NAA16: variants seen among roughly 807,000 people sequenced by gnomAD.
NAA16 encodes NARG1-like protein.
A neutral mutation model predicts 110.3 loss-of-function variants in NAA16; 97 were observed. The ratio of observed to expected loss-of-function variants is 0.88; its 90% CI spans 0.75 to 1.04. The LOEUF (loss-of-function observed/expected upper bound fraction) is 1.04. Ranked by LOEUF, NAA16 falls within the 50% of genes least tolerant of loss-of-function variation. The pLI is 0.00. For synonymous variants in NAA16, 372 were observed against 330.6 expected (o/e 1.13, Z -1.36); for missense variants, 1,017 against 1,005.1 (o/e 1.01, Z -0.16).
intron 9 of NAA16, among the ~76,000 whole-genome samples, chr13:41,353,792 CA>C (rs2042906583): frequency 5.3e-5 from 8 of 151,860 alleles, no homozygotes; most frequent in Non-Finnish European, 8.8e-5. Flanking sequence ...CACACACACA[CA>C]CACACACACC....
chr13:41,316,305 ATTTT>A (rs993030515), intron 1 of NAA16, among the ~76,000 whole-genome samples: 3 of 103,882 alleles, frequency 2.9e-5, no homozygotes, highest in Non-Finnish European at 2.1e-5. Context: ...AATTTTTGTA[ATTTT>A]TTTTTTTTTT....
At chr13:41,323,440 T>A (rs2042000276) in intron 5 of NAA16, among the ~76,000 whole-genome samples, 2 of 150,088 alleles carry the variant, frequency 1.3e-5, no homozygotes, top group African/African-American at 4.9e-5. Context: ...AAGCTCTGCC[T>A]CCCGGGTTCA....
chr13:41,336,691 A>G lies in NAA16; in HGVS notation c.949A>G (p.Asn317Asp), dbSNP rs764102742. 5.4e-5 allele frequency: 87 copies of G among 1,609,600 alleles called. No individual in the cohort carries two copies. Among genetic ancestry groups the G allele is most frequent in the Non-Finnish European group, 5.3e-5 (63 of 1,177,672 alleles). Reference sequence around the variant, plus strand: ...ACTAATGGATAAGTTCCTGAGGGTTAACTTCAGTAAAGGCTGCCCACCCTT... The same window carrying G: ...ACTAATGGATAAGTTCCTGAGGGTTGACTTCAGTAAAGGCTGCCCACCCTT... ...RELMDKFLRVNFSKGCPPLFT... is the reference protein window; with the variant it reads ...RELMDKFLRVDFSKGCPPLFT... Residue 317 changes from asparagine to aspartate, a missense_variant, in exon 9 of 20, where the codon AAC (asparagine) becomes GAC (aspartate). Transcript: ENST00000379406.
In NAA16 at chr13:41,372,786, A is replaced by G. The variant is rs2043348439; in HGVS notation, c.2111A>G (p.Asn704Ser). The change falls in exon 17 of 20, where the codon AAT becomes AGT. Residue 704 changes from asparagine to serine, a missense_variant. Transcript: ENST00000379406. ...SVKRAFAINS[N>S]NPWLHECLIR... ...AAACGAGCTTTTGCCATTAACAGTAATAACCCATGGTTACATGAATGTTTA... is the reference window on the plus strand; with the variant it reads ...AAACGAGCTTTTGCCATTAACAGTAGTAACCCATGGTTACATGAATGTTTA... 6.2e-7 allele frequency: 1 copy of G among 1,602,592 alleles called. No individual in the cohort carries two copies. The highest frequency in any genetic ancestry group is 8.5e-7 in the Non-Finnish European group (1 of 1,172,866).
rs779188439 is a variant in NAA16 at position 41,367,423 on chromosome 13, G to A, written c.1540-16G>A. 1.3e-6 allele frequency: 2 copies of A among 1,557,586 alleles called. No homozygotes were observed. Among genetic ancestry groups the A allele is most frequent in the South Asian group, 2.3e-5 (2 of 87,090 alleles). ...ACATAAATGTAAAGGTTAATTTTGT[G>A]ATTTTTGTTTTTAAGCATTTTTTTG... On this transcript the variant is annotated splice_polypyrimidine_tract_variant and intron_variant, in intron 13 of 19. Transcript: ENST00000379406.
At chr13:41,322,008 A>G (rs2139382569) in intron 4 of NAA16, among the ~76,000 whole-genome samples, 1 of 152,306 alleles carries the variant, frequency 6.6e-6, no homozygotes, top group South Asian at 2.1e-4. Flanking sequence ...TGGAGTTAAA[A>G]TCAGTTATCT....
At chr13:41,314,272 T>G (rs2026467) in intron 1 of NAA16, among the ~76,000 whole-genome samples, 11,257 of 152,188 alleles carry the variant, frequency 0.074, 1,380 homozygotes, top group African/African-American at 0.26. Flanking sequence ...GGCAGTATGA[T>G]TATTATTATT....
rs1298437393 is a variant in NAA16, at chr13:41,320,818, T to C, written c.396T>C (p.Gly132=). The change falls in exon 4 of 20, where the codon GGT becomes GGC. Residue 132 remains glycine (G), a synonymous_variant. Coordinates refer to ENST00000379406, the MANE Select transcript of NAA16 (RefSeq NM_024561.5). ...LLQIQMRDLE[G]YRETRYQLLQ... is the part of the protein sequence containing the mutation. ...AGATCCAAATGAGAGACCTTGAAGG[T>C]TACCGAGTAAGTACTTCATTCTTAA... The C allele has an allele frequency of 6.3e-7, 1 of 1,598,372 alleles. No homozygotes were observed. The highest frequency in any genetic ancestry group is 1.8e-5 in the Admixed American group (1 of 55,700).
rs537222022 is a variant in NAA16, at chr13:41,348,635, C to T, written c.1015-6509C>T. Among the ~76,000 whole-genome samples, 5 of 152,090 alleles carry T rather than the reference C, an allele frequency of 3.3e-5. No homozygotes were observed. The South Asian group carries it at 1.0e-3, about 32-fold the overall frequency. ...TCATGTCTTTATCAGATTTTGCTAT[C>T]AGGGTGATACTGGCCTCATAATGAA... On this transcript the variant is annotated intron_variant, in intron 9 of 19. Coordinates refer to ENST00000379406, the MANE Select transcript of NAA16 (RefSeq NM_024561.5).
At position 41,373,683 on chromosome 13, in the gene NAA16, T is replaced by C; in HGVS notation, c.2202T>C (p.Ser734=). The C allele has an allele frequency of 6.2e-7, 1 of 1,611,230 alleles. No homozygotes were observed. The change falls in exon 18 of 20, where the codon TCT becomes TCC. Residue 734 remains serine (S), a synonymous_variant. Transcript: ENST00000379406. ...NLPDIVSKVL[S]QEMQKIFVKK... is the part of the protein sequence containing the mutation. ...CAGACATTGTGAGCAAAGTTCTATC[T>C]CAAGAAATGCAGAAAATATTTGTCA...
intron 5 of NAA16, among the ~76,000 whole-genome samples, chr13:41,325,303 T>C (rs1055864482): frequency 6.6e-6 from 1 of 152,180 alleles, no homozygotes; most frequent in Non-Finnish European, 1.5e-5. Flanking sequence ...TCACTCACTT[T>C]ATTGTGGTGG....
At position 41,320,955 on chromosome 13, in the gene NAA16, T is replaced by C. The variant is rs948205127; in HGVS notation, c.402+131T>C. 1.1e-5 allele frequency: 8 copies of C among 739,222 alleles called. No homozygotes were observed. The African/African-American group carries it at 1.1e-4, about 10-fold the overall frequency. The allele number at this position is 739,222 out of a possible 1,614,324, so 45.8% of individuals were successfully genotyped here. ...TGTTCATTAGAAGGTGTATGTCGCTTGGGACCTTCCTTCTCAGTCATAGTT... is the reference window on the plus strand; with the variant it reads ...TGTTCATTAGAAGGTGTATGTCGCTCGGGACCTTCCTTCTCAGTCATAGTT... On this transcript the variant is annotated intron_variant, in intron 4 of 19. Coordinates refer to ENST00000379406, the MANE Select transcript of NAA16 (RefSeq NM_024561.5).
intron 1 of NAA16, among the ~76,000 whole-genome samples, chr13:41,314,851 G>A (rs1022396839): frequency 2.0e-5 from 3 of 152,084 alleles, no homozygotes; most frequent in Non-Finnish European, 4.4e-5. Flanking sequence ...AAAAAATTTA[G>A]CCAGGCATGA....
intron 5 of NAA16, 36 bp from the exon 6 acceptor site, chr13:41,325,662 T>A (rs777920464): frequency 2.6e-5 from 37 of 1,426,540 alleles, no homozygotes; most frequent in Non-Finnish European, 3.4e-5. Flanking sequence ...CTTTATATAA[T>A]TATACAAATA....
intron 1 of NAA16, 48 bp downstream of exon 1, chr13:41,311,630 G>A: frequency 1.3e-6 from 2 of 1,551,726 alleles, no homozygotes; most frequent in Non-Finnish European, 1.8e-6. Context: ...CCGGGTCCTC[G>A]GGCCTTAAGG....
rs139605795 is a variant in NAA16, at chr13:41,344,285, T to G, written c.1014+7529T>G. On this transcript the variant is annotated intron_variant, in intron 9 of 19. Transcript: ENST00000379406. ...GCCTGAAATATTTCCTGTCTTGTGT[T>G]TGTTTTTCTGTTTTTGTTTTCACAT... 3.7e-3 allele frequency among the ~76,000 whole-genome samples: 569 copies of G among 152,358 alleles called. 4 individuals are homozygous for G. Among genetic ancestry groups the G allele is most frequent in the African/African-American group, 0.013 (547 of 41,594 alleles).
chr13:41,320,903 C>A, intron 4 of NAA16, 79 bp downstream of exon 4: 1 of 1,284,140 alleles, frequency 7.8e-7, no homozygotes, highest in Non-Finnish European at 1.1e-6. Context: ...ATGAGGTGAG[C>A]ATAAGCCAAA....
intron 18 of NAA16, chr13:41,374,426 T>G: frequency 5.3e-6 from 1 of 187,420 alleles, no homozygotes; most frequent in Non-Finnish European, 1.1e-5. Flanking sequence ...TCAATTTTAT[T>G]TCTAAGGGGA....
chr13:41,340,647 G>GTTTTTTTTTTTT lies in NAA16; in HGVS notation c.1014+3924_1014+3935dup, dbSNP rs754237653. On this transcript the variant is annotated intron_variant, in intron 9 of 19. Transcript: ENST00000379406. ...CATATAGTTGTGCGGTTTTGAGTGA[G>GTTTTTTTTTTTT]TTTTTTTTTTTTTTTTTTTTTTTTT... is the stretch of plus-strand genomic sequence containing the variant. 4.6e-5 allele frequency among the ~76,000 whole-genome samples: 2 copies of GTTTTTTTTTTTT among 43,598 alleles called. 1 individual carries two copies. The highest frequency in any genetic ancestry group is 9.0e-5 in the Non-Finnish European group (2 of 22,284). 28.6% of individuals were successfully genotyped at this position (43,598 alleles called of 152,430 possible). A position where few individuals can be genotyped will look rare whatever the true frequency, so the allele number is the denominator to read the frequency against.
Sources: allele counts gnomAD v4.1 joint callset (sites outside exome capture counted in the v4.1 genomes callset), GRCh38; gene constraint gnomAD v4.1.1; transcripts MANE v1.5; gene names NCBI Gene and HGNC (gene_info 2026-07-23, HGNC 2026-07-21).